Variants in COBL observed in about 807,000 individuals in gnomAD.
The protein encoded by COBL is protein cordon-bleu.
In COBL, 51 loss-of-function variants were observed where a neutral mutation model predicts 98.8. The observed-to-expected ratio is 0.52, with a 90% CI of 0.41 to 0.65. The LOEUF is 0.65. Ranked by LOEUF, COBL falls within the 30% of genes least tolerant of loss-of-function variation. COBL has a pLI of 0.00. For synonymous variants in COBL, 634 were observed against 651.7 expected (o/e 0.97, Z 0.41); for missense variants, 1,617 against 1,617.5 (o/e 1.00, Z 0.01).
chr7:51,263,428 A>G (rs1797898775), intron 1 of COBL, among the ~76,000 whole-genome samples: 1 of 152,216 alleles, frequency 6.6e-6, no homozygotes, highest in African/African-American at 2.4e-5. Context: ...GGGGGTGGAT[A>G]AGGAAAGTAG....
In COBL at chr7:51,193,316, G is replaced by A; in HGVS notation, c.456+63C>T. On this transcript the variant is annotated intron_variant, in intron 3 of 12. Transcript: ENST00000265136. ...GTACTTTGATAAGAAGAGCCACACTGGCCCCTACTCAGGACCTGCCACACA... is the reference window on the plus strand; with the variant it reads ...GTACTTTGATAAGAAGAGCCACACTAGCCCCTACTCAGGACCTGCCACACA... 3.5e-6 allele frequency: 5 copies of A among 1,428,460 alleles called. No individual in the cohort carries two copies. In the South Asian group the frequency reaches 4.8e-5, roughly 14 times the overall value. The allele number at this position is 1,428,460 out of a possible 1,614,324, so 88.5% of individuals were successfully genotyped here.
intron 5 of COBL, among the ~76,000 whole-genome samples, chr7:51,145,534 A>G (rs967530092): frequency 5.3e-5 from 8 of 151,740 alleles, no homozygotes; most frequent in Non-Finnish European, 4.4e-5. Flanking sequence ...ACCCGCCACC[A>G]TGCCCAGCTA....
intron 5 of COBL, among the ~76,000 whole-genome samples, chr7:51,141,574 T>C (rs949473773): frequency 6.6e-6 from 1 of 152,028 alleles, no homozygotes; most frequent in Non-Finnish European, 1.5e-5. Flanking sequence ...TATGTTCCTG[T>C]TGCTGCCTGC....
intron 1 of COBL, among the ~76,000 whole-genome samples, chr7:51,295,559 C>A (rs1347075853): frequency 6.6e-6 from 1 of 152,202 alleles, no homozygotes; most frequent in Non-Finnish European, 1.5e-5. Context: ...CTGACAACAA[C>A]TACTTTGCAA....
Position 51,028,245 on chromosome 7 carries a change from T to A in COBL, c.2851A>T (p.Arg951Trp), listed in dbSNP as rs769008292. Reference protein sequence around the residue: ...GEDLAVGAPPRGEVIGPHRKL... With the variant: ...GEDLAVGAPPWGEVIGPHRKL... ...CTGTGTGGGCCAATGACCTCCCCCC[T>A]AGGAGGGGCTCCCACTGCCAAATCT... The change falls in exon 10 of 13, where the codon AGG becomes TGG. Residue 951 changes from arginine to tryptophan, a missense_variant. Transcript: ENST00000265136. 5 of 1,613,748 alleles carry A rather than the reference T, an allele frequency of 3.1e-6. No individual in the cohort carries two copies. Among genetic ancestry groups the A allele is most frequent in the Non-Finnish European group, 4.2e-6 (5 of 1,179,836 alleles).
At position 51,208,143 on chromosome 7, in the gene COBL, G is replaced by A. The variant is rs1248146668; in HGVS notation, c.245+11598C>T. On this transcript the variant is annotated intron_variant, in intron 2 of 12. Coordinates refer to ENST00000265136, the MANE Select transcript of COBL (RefSeq NM_015198.5). Reference sequence around the variant, plus strand: ...CGTGACCCCGTCTGGGAGGTGAGGAGCGTCTCTGCCTGGCCGCCCCGTCTG... The same window carrying A: ...CGTGACCCCGTCTGGGAGGTGAGGAACGTCTCTGCCTGGCCGCCCCGTCTG... Among the ~76,000 whole-genome samples the A allele has an allele frequency of 2.0e-5, 3 of 150,810 alleles. No homozygotes were observed. In the East Asian group the frequency reaches 6.0e-4, roughly 30 times the overall value.
rs558029012 is a variant in COBL, at chr7:51,170,296, T to C, written c.783+13806A>G. Among the ~76,000 whole-genome samples the C allele has an allele frequency of 2.0e-4, 31 of 152,106 alleles. No individual in the cohort carries two copies. The South Asian group carries it at 5.8e-3, about 29-fold the overall frequency. ...GACCCTGTTGTATACCATGCTTCGA[T>C]ATACAATTAGCTCTACATGTTCTAT... On this transcript the variant is annotated intron_variant, in intron 5 of 12. Transcript: ENST00000265136.
chr7:51,310,508 A>T (rs1357970244), intron 1 of COBL, among the ~76,000 whole-genome samples: 1 of 152,130 alleles, frequency 6.6e-6, no homozygotes, highest in African/African-American at 2.4e-5. Flanking sequence ...CTGTCTGGAG[A>T]GAGGTGGGAG....
intron 6 of COBL, among the ~76,000 whole-genome samples, chr7:51,131,365 A>T (rs1338285160): frequency 6.6e-6 from 1 of 152,246 alleles, no homozygotes; most frequent in Non-Finnish European, 1.5e-5. Context: ...ATATTTGTGG[A>T]TAATGAAAAC....
At chr7:51,315,959 T>C (rs1396328793) in intron 1 of COBL, among the ~76,000 whole-genome samples, 7 of 152,074 alleles carry the variant, frequency 4.6e-5, no homozygotes, top group Non-Finnish European at 1.0e-4. Flanking sequence ...CTGGCCCCAC[T>C]AGGACGCCCC....
At chr7:51,124,334 T>C (rs962419847) in intron 6 of COBL, among the ~76,000 whole-genome samples, 1 of 152,176 alleles carries the variant, frequency 6.6e-6, no homozygotes, top group Non-Finnish European at 1.5e-5. Flanking sequence ...TCATTAGCAA[T>C]TGGAGATTAG....
intron 6 of COBL, among the ~76,000 whole-genome samples, chr7:51,127,569 C>T (rs546029354): frequency 2.1e-4 from 32 of 152,240 alleles, no homozygotes; most frequent in Admixed American, 6.5e-4. Flanking sequence ...ACAGAGTGTA[C>T]GGTGGCCTTG....
intron 4 of COBL, chr7:51,187,770 C>T (rs906835668): frequency 9.4e-6 from 5 of 530,928 alleles, no homozygotes; most frequent in Non-Finnish European, 1.4e-5. Flanking sequence ...ATGTCAGCCT[C>T]GCATGCACCT....
At chr7:51,035,764 C>T (rs1271256555) in intron 8 of COBL, 1 of 152,126 alleles carries the variant, frequency 6.6e-6, no homozygotes, top group Non-Finnish European at 1.5e-5. Context: ...CACTTAACAG[C>T]ACATGTCAAT....
At chr7:51,316,393 G>A (rs1803598165) in intron 1 of COBL, 200 bp downstream of exon 1, 1 of 352,712 alleles carries the variant, frequency 2.8e-6, no homozygotes, top group Non-Finnish European at 4.9e-6. Flanking sequence ...GCAACGACCC[G>A]GGTGCCCAAA....
intron 5 of COBL, among the ~76,000 whole-genome samples, chr7:51,141,668 CGAGTG>C (rs1562958817): frequency 6.7e-6 from 1 of 149,506 alleles, no homozygotes; most frequent in Admixed American, 6.7e-5. Flanking sequence ...GTTAAAGAAT[CGAGTG>C]GGAGGGAAGA....
chr7:51,198,844 T>G (rs576768090), intron 2 of COBL, among the ~76,000 whole-genome samples: 21 of 152,318 alleles, frequency 1.4e-4, no homozygotes, highest in African/African-American at 5.1e-4. Flanking sequence ...GCACAGAAGT[T>G]CCTTTGTAAG....
intron 7 of COBL, among the ~76,000 whole-genome samples, chr7:51,048,557 T>C (rs11765114): frequency 0.31 from 47,300 of 151,964 alleles, 8,090 homozygotes; most frequent in East Asian, 0.46. Flanking sequence ...TTAGAGCATG[T>C]CTCTTCTTCC....
At chr7:51,142,158 G>T (rs1270150754) in intron 5 of COBL, among the ~76,000 whole-genome samples, 1 of 152,100 alleles carries the variant, frequency 6.6e-6, no homozygotes, top group Non-Finnish European at 1.5e-5. Flanking sequence ...TTTCTAGAGG[G>T]TGAGGCGAGT....
Sources: allele counts gnomAD v4.1 joint callset (sites outside exome capture counted in the v4.1 genomes callset), GRCh38; gene constraint gnomAD v4.1.1; transcripts MANE v1.5; gene names NCBI Gene and HGNC (gene_info 2026-07-23, HGNC 2026-07-21).